SRGAP1: variants seen among roughly 807,000 people sequenced by gnomAD.
SRGAP1 encodes the protein SLIT-ROBO Rho GTPase activating protein 1.
SRGAP1 carries 43 observed loss-of-function variants against 121.9 expected under a neutral mutation model. The ratio of observed to expected loss-of-function variants is 0.35; its 90% confidence interval spans 0.28 to 0.46. The LOEUF is 0.46. Among genes scored for constraint, SRGAP1 ranks in the 20% least tolerant of loss-of-function variants. The pLI, the probability that SRGAP1 is intolerant of heterozygous loss-of-function variation, is 1.00. For synonymous variants in SRGAP1, 447 were observed against 485.4 expected (o/e 0.92, Z 1.04); for missense variants, 1,102 against 1,350.9 (o/e 0.82, Z 2.89).
chr12:64,068,457 C>T (rs2035580787), intron 8 of SRGAP1, among the ~76,000 whole-genome samples: 1 of 151,438 alleles, frequency 6.6e-6, no homozygotes, highest in Non-Finnish European at 1.5e-5. Context: ...ACCTCAGCCC[C>T]CTGAGTAGCT....
chr12:63,966,682 T>A (rs1320494762), intron 1 of SRGAP1, among the ~76,000 whole-genome samples: 1 of 152,122 alleles, frequency 6.6e-6, no homozygotes, highest in African/African-American at 2.4e-5. Flanking sequence ...TAATTTAGGC[T>A]TAAAAGACAG....
rs946564184 is a variant in SRGAP1, at chr12:64,144,366, G to C, written c.*1694G>C. The C allele has an allele frequency of 6.6e-6, 1 of 152,106 alleles. No homozygotes were observed. Among genetic ancestry groups the C allele is most frequent in the African/African-American group, 2.4e-5 (1 of 41,404 alleles). 9.4% of individuals were successfully genotyped at this position (152,106 alleles called of 1,614,324 possible). ...GCCCATCTAAGAGCTACACAGTGTAGATTTTACTTCATCAGCCCATTGGTG... is the reference window on the plus strand; with the variant it reads ...GCCCATCTAAGAGCTACACAGTGTACATTTTACTTCATCAGCCCATTGGTG... On this transcript the variant is annotated 3_prime_UTR_variant, in exon 22 of 22. Coordinates refer to ENST00000355086, the MANE Select transcript of SRGAP1 (RefSeq NM_020762.4).
At chr12:63,920,419 T>TGGAGATA (rs1380565003) in intron 1 of SRGAP1, among the ~76,000 whole-genome samples, 3 of 152,142 alleles carry the variant, frequency 2.0e-5, no homozygotes, top group African/African-American at 7.2e-5. Context: ...AGAAGTGAGC[T>TGGAGATA]GGAGATACAA....
In SRGAP1 at chr12:64,158,914, A is replaced by G. The variant is rs1355042839; in HGVS notation, c.*16242A>G. The G allele has an allele frequency of 6.6e-6, 1 of 152,238 alleles. No individual in the cohort carries two copies. The highest frequency in any genetic ancestry group is 2.4e-5 in the African/African-American group (1 of 41,460). 9.4% of individuals were successfully genotyped at this position (152,238 alleles called of 1,614,324 possible). On this transcript the variant is annotated 3_prime_UTR_variant, in exon 22 of 22. Coordinates refer to ENST00000355086, the MANE Select transcript of SRGAP1 (RefSeq NM_020762.4). ...CAGTAATCAGAGGTCAGGTTGAGGA[A>G]AAAATGATAAGAACCCTCTCTGCCC...
intron 1 of SRGAP1, among the ~76,000 whole-genome samples, chr12:63,921,337 A>G (rs527356261): frequency 3.9e-4 from 59 of 152,314 alleles, no homozygotes; most frequent in African/African-American, 1.4e-3. Context: ...TTGAACCTCC[A>G]AGTTCAAAAC....
At chr12:63,988,870 G>A (rs1039606594) in intron 2 of SRGAP1, among the ~76,000 whole-genome samples, 25 of 152,148 alleles carry the variant, frequency 1.6e-4, no homozygotes, top group African/African-American at 5.3e-4. Context: ...GAGTGCAGTG[G>A]CACAATCTCG....
chr12:64,092,493 CATACATACATAT>C lies in SRGAP1; in HGVS notation c.1539+1116_1539+1127del, dbSNP rs1490973533. Among the ~76,000 whole-genome samples the C allele has an allele frequency of 4.2e-3, 634 of 151,762 alleles. 3 individuals are homozygous for C. The highest frequency in any genetic ancestry group is 0.013 in the African/African-American group (556 of 41,198). ...ATATACATACATACATACATACATA[CATACATACATAT>C]GTACATAGATTAAAAACCTCTGGCA... On this transcript the variant is annotated intron_variant, in intron 12 of 21. Coordinates refer to ENST00000355086, the MANE Select transcript of SRGAP1 (RefSeq NM_020762.4).
chr12:63,924,430 A>T (rs1449626749), intron 1 of SRGAP1, among the ~76,000 whole-genome samples: 5 of 152,198 alleles, frequency 3.3e-5, no homozygotes, highest in Non-Finnish European at 1.5e-5. Flanking sequence ...TTTTGTGATT[A>T]TTCTTCCTTT....
chr12:63,986,114 CT>C (rs1239676351), intron 2 of SRGAP1, among the ~76,000 whole-genome samples: 1 of 151,892 alleles, frequency 6.6e-6, no homozygotes, highest in African/African-American at 2.4e-5. Flanking sequence ...TCTCTCTTCT[CT>C]TTTTTCTTCC....
intron 1 of SRGAP1, among the ~76,000 whole-genome samples, chr12:63,948,905 A>G (rs28622130): frequency 0.026 from 1,855 of 71,084 alleles, 153 homozygotes; most frequent in Middle Eastern, 0.074. Flanking sequence ...TTCCATATAT[A>G]TATTTTCCAT....
chr12:63,954,618 C>T (rs1240974589), intron 1 of SRGAP1, among the ~76,000 whole-genome samples: 1 of 142,794 alleles, frequency 7.0e-6, no homozygotes, highest in Admixed American at 7.7e-5. Context: ...GCGGAGCTTG[C>T]AGTGAGCCGA....
chr12:63,925,360 A>G (rs117317113), intron 1 of SRGAP1, among the ~76,000 whole-genome samples: 4,234 of 152,284 alleles, frequency 0.028, 75 homozygotes, highest in Middle Eastern at 0.075. Context: ...TGAGATGTAT[A>G]ATGTCTTAAT....
chr12:64,114,417 G>T (rs1308749984), intron 17 of SRGAP1, among the ~76,000 whole-genome samples: 4 of 128,830 alleles, frequency 3.1e-5, no homozygotes, highest in Non-Finnish European at 6.2e-5. Flanking sequence ...TTGACTCACT[G>T]TATTCCCACT....
chr12:63,997,598 C>G (rs1180677256), intron 3 of SRGAP1, among the ~76,000 whole-genome samples: 1 of 152,006 alleles, frequency 6.6e-6, no homozygotes, highest in Non-Finnish European at 1.5e-5. Flanking sequence ...TGATTTTACA[C>G]AATGAACAAG....
Position 64,111,850 on chromosome 12 carries a change from C to G in SRGAP1, c.2008C>G (p.Gln670Glu), listed in dbSNP as rs754332823. Residue 670 changes from glutamine to glutamate, a missense_variant, in exon 17 of 22, where the codon CAG (glutamine) becomes GAG (glutamate). This residue lies in a region of SRGAP1 where 747 missense variants were observed against 929.4 expected (regional missense o/e 0.80). Transcript: ENST00000355086. ...AACATTGATGCCTGTCCCAGAAATA[C>G]AGGATCAAGTGTCTTGCCAGGCACA... The part of the protein sequence containing the change: ...GPTLMPVPEI[Q>E]DQVSCQAHVN... 1.2e-5 allele frequency: 19 copies of G among 1,613,862 alleles called. No individual in the cohort carries two copies. The highest frequency in any genetic ancestry group is 1.5e-5 in the Non-Finnish European group (18 of 1,180,004).
intron 1 of SRGAP1, among the ~76,000 whole-genome samples, chr12:63,884,515 A>G (rs899896955): frequency 2.0e-5 from 3 of 151,976 alleles, no homozygotes; most frequent in Non-Finnish European, 4.4e-5. Flanking sequence ...CACCTTATGT[A>G]TTTATTGTTT....
rs147860323 is a variant in SRGAP1, at chr12:63,890,788, T to A, written c.67+45905T>A. Among the ~76,000 whole-genome samples, 229 of 152,252 alleles carry A rather than the reference T, an allele frequency of 1.5e-3. 1 individual carries two copies. The highest frequency in any genetic ancestry group is 5.3e-3 in the African/African-American group (219 of 41,548). The stretch of plus-strand genomic sequence containing the variant: ...GGGCAGTGATAGGCTGTCTGCCTGG[T>A]CCCTTTCCTGTCCTTTTGCACTGGG... On this transcript the variant is annotated intron_variant, in intron 1 of 21. Coordinates refer to ENST00000355086, the MANE Select transcript of SRGAP1 (RefSeq NM_020762.4).
chr12:63,859,521 T>C (rs1592889648), intron 1 of SRGAP1, among the ~76,000 whole-genome samples: 6 of 152,202 alleles, frequency 3.9e-5, no homozygotes, highest in South Asian at 4.1e-4. Flanking sequence ...TCTGCTCTTA[T>C]CTTTACTATC....
At chr12:64,060,197 C>CTTT (rs772344837) in intron 6 of SRGAP1, among the ~76,000 whole-genome samples, 1 of 136,458 alleles carries the variant, frequency 7.3e-6, no homozygotes, top group Non-Finnish European at 1.5e-5. Flanking sequence ...TCCTTTCTTT[C>CTTT]TTTTTTTCTT....
Sources: allele counts gnomAD v4.1 joint callset (sites outside exome capture counted in the v4.1 genomes callset), GRCh38; gene constraint gnomAD v4.1.1; regional missense constraint gnomAD v4.1.1; transcripts MANE v1.5; gene names NCBI Gene and HGNC (gene_info 2026-07-23, HGNC 2026-07-21).